The following MYO3B variants were observed in gnomAD, a reference collection of about 807,000 sequenced individuals.
MYO3B encodes the protein myosin-IIIb.
A neutral mutation model predicts 174.6 loss-of-function variants in MYO3B; 156 were observed. That is an observed-to-expected ratio of 0.89 (90% confidence interval 0.78 to 1.02). MYO3B has a LOEUF of 1.02. Ranked by LOEUF, MYO3B falls within the 50% of genes least tolerant of loss-of-function variation. MYO3B has a pLI of 0.00. For synonymous variants in MYO3B, 563 were observed against 569.1 expected (o/e 0.99, Z 0.15); for missense variants, 1,632 against 1,639.4 (o/e 1.00, Z 0.08).
intron 22 of MYO3B, chr2:170,408,613 G>A (rs1283296381): frequency 4.6e-5 from 7 of 152,036 alleles, no homozygotes; most frequent in Non-Finnish European, 7.4e-5. Context: ...AATAGCAGTG[G>A]GCATGCTTTT....
At chr2:170,535,858 C>T (rs145738508) in intron 30 of MYO3B, among the ~76,000 whole-genome samples, 4 of 152,346 alleles carry the variant, frequency 2.6e-5, no homozygotes, top group Non-Finnish European at 5.9e-5. Context: ...CCTCAGCCCA[C>T]GGCTCTGTAT....
chr2:170,218,550 G>A (rs567819440), intron 6 of MYO3B, among the ~76,000 whole-genome samples: 1 of 152,288 alleles, frequency 6.6e-6, no homozygotes, highest in Admixed American at 6.5e-5. Flanking sequence ...GGACACAATA[G>A]TATGGGTTAT....
At chr2:170,525,555 A>G (rs1439969993) in intron 30 of MYO3B, among the ~76,000 whole-genome samples, 1 of 152,236 alleles carries the variant, frequency 6.6e-6, no homozygotes, top group Non-Finnish European at 1.5e-5. Flanking sequence ...TGTTTTCACA[A>G]GACGGCTTGT....
At chr2:170,277,495 G>C (rs565018252) in intron 7 of MYO3B, among the ~76,000 whole-genome samples, 2 of 152,286 alleles carry the variant, frequency 1.3e-5, no homozygotes, top group East Asian at 3.9e-4. Context: ...TATTGTTGCT[G>C]AGTGTGATTG....
At chr2:170,440,359 A>G (rs547829169) in intron 22 of MYO3B, among the ~76,000 whole-genome samples, 110 of 152,324 alleles carry the variant, frequency 7.2e-4, no homozygotes, top group African/African-American at 2.6e-3. Context: ...AATCTGTAGA[A>G]TGCTTGGGAT....
At chr2:170,363,417 G>A (rs876778) in intron 8 of MYO3B, among the ~76,000 whole-genome samples, 72,175 of 151,610 alleles carry the variant, frequency 0.48, 19,108 homozygotes, top group Admixed American at 0.63. Context: ...GCAGGCATCC[G>A]GTTTTTTGGT....
chr2:170,509,995 G>A (rs1559070175), intron 28 of MYO3B, among the ~76,000 whole-genome samples: 1 of 152,200 alleles, frequency 6.6e-6, no homozygotes, highest in Non-Finnish European at 1.5e-5. Context: ...ATTTGCTGTG[G>A]CCATGAAGTC....
chr2:170,608,711 G>A (rs1257730846), intron 32 of MYO3B, among the ~76,000 whole-genome samples: 2 of 152,022 alleles, frequency 1.3e-5, no homozygotes, highest in African/African-American at 4.8e-5. Context: ...CAGAGAGTAT[G>A]TGTGTGTGTG....
rs114758110 is a variant in MYO3B at position 170,377,139 on chromosome 2, G to C, written c.972-4877G>C. Among the ~76,000 whole-genome samples, 747 of 152,328 alleles carry C rather than the reference G, an allele frequency of 4.9e-3. 5 individuals carry two copies. The highest frequency in any genetic ancestry group is 7.5e-3 in the Non-Finnish European group (510 of 68,030). On this transcript the variant is annotated intron_variant, in intron 9 of 34. Coordinates refer to ENST00000408978, the MANE Select transcript of MYO3B (RefSeq NM_138995.5). ...TTTGTCAATATAGTTCATAGGACTAGCAGCTCAAACAAAGAAGCTAGCAGG... is the reference window on the plus strand; with the variant it reads ...TTTGTCAATATAGTTCATAGGACTACCAGCTCAAACAAAGAAGCTAGCAGG...
chr2:170,293,383 A>G (rs1574731460), intron 7 of MYO3B, among the ~76,000 whole-genome samples: 1 of 152,068 alleles, frequency 6.6e-6, no homozygotes, highest in African/African-American at 2.4e-5. Context: ...AATTAGTTCT[A>G]CTGCTTATTT....
At chr2:170,335,022 A>C (rs539297253) in intron 7 of MYO3B, 2 of 186,754 alleles carry the variant, frequency 1.1e-5, no homozygotes, top group African/African-American at 4.7e-5. Flanking sequence ...TATTTCACTA[A>C]AGCCCCTAGC....
chr2:170,408,774 C>T lies in MYO3B; in HGVS notation c.2650+930C>T, dbSNP rs958445150. 4.2e-3 allele frequency among the ~76,000 whole-genome samples: 301 copies of T among 70,856 alleles called. 1 individual carries two copies. Among genetic ancestry groups the T allele is most frequent in the African/African-American group, 0.012 (294 of 25,178 alleles). 46.5% of individuals were successfully genotyped at this position (70,856 alleles called of 152,430 possible). A position where few individuals can be genotyped will look rare whatever the true frequency, so the allele number is the denominator to read the frequency against. The stretch of plus-strand genomic sequence containing the variant: ...AGCCTGGCTAAGAAAAAAAAAAAAG[C>T]CACAGTCTACAGCCTTTGCTTCATC... On this transcript the variant is annotated intron_variant, in intron 22 of 34. Coordinates refer to ENST00000408978, the MANE Select transcript of MYO3B (RefSeq NM_138995.5).
intron 7 of MYO3B, among the ~76,000 whole-genome samples, chr2:170,264,482 G>A (rs148974718): frequency 5.3e-5 from 8 of 152,278 alleles, no homozygotes; most frequent in African/African-American, 1.7e-4. Flanking sequence ...GGGCCAGCCC[G>A]GTTTTAAGGA....
At chr2:170,407,957 T>C (rs1387279235) in intron 22 of MYO3B, 113 bp downstream of exon 22, 7 of 1,299,338 alleles carry the variant, frequency 5.4e-6, no homozygotes, top group Admixed American at 2.1e-5. Context: ...TTGAACTTCT[T>C]TAAGCAGGAG....
In MYO3B at chr2:170,402,870, G is replaced by T. The variant is rs1490494651; in HGVS notation, c.2152G>T (p.Val718Leu). ...CAGTAGTGCAGGAGGTGGAATGAAT[G>T]TGGGGATCTTGGATATCTTTGGATT... ...NICSAGGGMNVGILDIFGFEN... is the reference protein window; with the variant it reads ...NICSAGGGMNLGILDIFGFEN... Residue 718 changes from valine to leucine, a missense_variant, in exon 19 of 35, where the codon GTG becomes TTG. Val to Leu is a conservative substitution (Grantham distance 32, BLOSUM62 1). Coordinates refer to ENST00000408978, the MANE Select transcript of MYO3B (RefSeq NM_138995.5). The T allele has an allele frequency of 6.2e-7, 1 of 1,611,984 alleles. No homozygotes were observed. The highest frequency in any genetic ancestry group is 1.3e-5 in the African/African-American group (1 of 75,030).
At chr2:170,583,488 C>G (rs925940861) in intron 32 of MYO3B, among the ~76,000 whole-genome samples, 3 of 152,070 alleles carry the variant, frequency 2.0e-5, no homozygotes, top group African/African-American at 7.2e-5. Context: ...TACTTAGGGC[C>G]ACTGGTCTGT....
At chr2:170,481,401 T>C (rs929613311) in intron 25 of MYO3B, among the ~76,000 whole-genome samples, 1 of 152,100 alleles carries the variant, frequency 6.6e-6, no homozygotes, top group Non-Finnish European at 1.5e-5. Context: ...CCTTGGCAAC[T>C]TGGCAAAACC....
At chr2:170,228,407 C>T (rs62172011) in intron 6 of MYO3B, among the ~76,000 whole-genome samples, 4 of 152,218 alleles carry the variant, frequency 2.6e-5, no homozygotes, top group Non-Finnish European at 5.9e-5. Flanking sequence ...AGCTCTGGAA[C>T]AGGCAAGGAC....
chr2:170,593,077 C>T (rs574849899), intron 32 of MYO3B, among the ~76,000 whole-genome samples: 23 of 151,902 alleles, frequency 1.5e-4, no homozygotes, highest in Admixed American at 4.6e-4. Context: ...CTGTCTATAG[C>T]GAGAGGAGGA....
Sources: allele counts gnomAD v4.1 joint callset (sites outside exome capture counted in the v4.1 genomes callset), GRCh38; gene constraint gnomAD v4.1.1; transcripts MANE v1.5; gene names NCBI Gene and HGNC (gene_info 2026-07-23, HGNC 2026-07-21).